Variants in SLC6A2 observed in about 807,000 individuals in gnomAD.
The protein encoded by SLC6A2 is sodium-dependent noradrenaline transporter.
A neutral mutation model predicts 71.7 loss-of-function variants in SLC6A2; 26 were observed. That is an observed-to-expected ratio of 0.36 (90% CI 0.27 to 0.50). The LOEUF is 0.50. SLC6A2 is among the 20% of genes least tolerant of loss of function. The pLI, the probability that SLC6A2 is intolerant of heterozygous loss-of-function variation, is 0.96. For missense variants in SLC6A2, 581 were observed against 803.9 expected (o/e 0.72, Z 3.35); for synonymous variants, 363 against 337.9 (o/e 1.07, Z -0.82).
chr16:55,691,574 C>T (rs1965631014), intron 5 of SLC6A2, among the ~76,000 whole-genome samples: 1 of 152,132 alleles, frequency 6.6e-6, no homozygotes, highest in Admixed American at 6.5e-5. Context: ...AGGAGTCTTT[C>T]CTTGAAGGAG....
intron 9 of SLC6A2, 126 bp downstream of exon 9, chr16:55,696,463 C>T: frequency 1.4e-6 from 1 of 723,892 alleles, no homozygotes; most frequent in South Asian, 1.5e-5. Flanking sequence ...TTCCAGAAGG[C>T]CCTATTTAAA....
At chr16:55,666,883 C>T (rs530699413) in intron 2 of SLC6A2, among the ~76,000 whole-genome samples, 2 of 152,342 alleles carry the variant, frequency 1.3e-5, no homozygotes, top group East Asian at 1.9e-4. Context: ...GTGGCGAGGT[C>T]GGAGCAGCGA....
chr16:55,686,369 C>G (rs544750137), intron 5 of SLC6A2, among the ~76,000 whole-genome samples: 9 of 152,264 alleles, frequency 5.9e-5, no homozygotes, highest in African/African-American at 2.2e-4. Context: ...GTTCCAAGAA[C>G]ATGTCCCAAG....
chr16:55,692,186 T>A, intron 6 of SLC6A2, 134 bp downstream of exon 6: 1 of 1,054,046 alleles, frequency 9.5e-7, no homozygotes, highest in Non-Finnish European at 1.5e-6. Context: ...CTTCCCTGTC[T>A]GAGGTGCAGC....
At chr16:55,671,546 T>C (rs1209016519) in intron 3 of SLC6A2, 2 of 418,680 alleles carry the variant, frequency 4.8e-6, no homozygotes, top group Non-Finnish European at 8.5e-6. Flanking sequence ...AAGCTTCATC[T>C]GTATTTACAG....
At chr16:55,683,972 AGAGCCATC>A (rs1965364279) in intron 4 of SLC6A2, among the ~76,000 whole-genome samples, 1 of 152,148 alleles carries the variant, frequency 6.6e-6, no homozygotes, top group Admixed American at 6.5e-5. Context: ...AGTGTGTGCT[AGAGCCATC>A]CCTCTGGAGG....
intron 5 of SLC6A2, among the ~76,000 whole-genome samples, chr16:55,691,420 C>T (rs550332099): frequency 7.9e-5 from 12 of 152,294 alleles, no homozygotes; most frequent in South Asian, 2.1e-4. Flanking sequence ...TCATGAACCA[C>T]GCCTTGATCT....
intron 7 of SLC6A2, 85 bp downstream of exon 7, chr16:55,694,198 G>T: frequency 9.9e-7 from 1 of 1,012,502 alleles, no homozygotes; most frequent in Non-Finnish European, 1.6e-6. Flanking sequence ...TGGTCTGGAA[G>T]CCAACTCTCC....
chr16:55,701,117 T>C (rs1965960116), intron 13 of SLC6A2, among the ~76,000 whole-genome samples: 1 of 152,208 alleles, frequency 6.6e-6, no homozygotes, highest in South Asian at 2.1e-4. Context: ...CAAAAATTCC[T>C]GCCCTTATGG....
chr16:55,666,302 G>T (rs1305203861), intron 2 of SLC6A2, among the ~76,000 whole-genome samples: 1 of 152,172 alleles, frequency 6.6e-6, no homozygotes, highest in African/African-American at 2.4e-5. Flanking sequence ...CTTTTTAGGG[G>T]GTTTGCAACC....
intron 12 of SLC6A2, 101 bp from the exon 13 acceptor site, chr16:55,700,038 C>G: frequency 1.0e-6 from 1 of 982,596 alleles, no homozygotes; most frequent in South Asian, 1.3e-5. Flanking sequence ...GCTCACTTCT[C>G]TTCATTTCTC....
intron 4 of SLC6A2, 134 bp from the exon 5 acceptor site, chr16:55,685,009 G>T: frequency 1.2e-6 from 1 of 843,284 alleles, no homozygotes. Context: ...AGTGGCTAGG[G>T]TCCCTGAGTT....
At chr16:55,694,185 CTCTGG>C in intron 7 of SLC6A2, 72 bp downstream of exon 7, 1 of 1,105,658 alleles carries the variant, frequency 9.0e-7, no homozygotes, top group Non-Finnish European at 1.4e-6. Flanking sequence ...GCAGAGAGGG[CTCTGG>C]TCTGGAAGCC....
At chr16:55,686,038 G>A (rs1364977405) in intron 5 of SLC6A2, among the ~76,000 whole-genome samples, 1 of 152,148 alleles carries the variant, frequency 6.6e-6, no homozygotes, top group East Asian at 1.9e-4. Flanking sequence ...GATATGGATG[G>A]GAAATTTTCT....
intron 4 of SLC6A2, among the ~76,000 whole-genome samples, chr16:55,677,710 C>T (rs1441244996): frequency 6.6e-6 from 1 of 151,546 alleles, no homozygotes; most frequent in African/African-American, 2.4e-5. Context: ...CTTGCTCTGT[C>T]ACCCAGTGGC....
intron 2 of SLC6A2, among the ~76,000 whole-genome samples, chr16:55,664,568 A>T (rs1482309084): frequency 2.0e-5 from 3 of 152,204 alleles, no homozygotes; most frequent in East Asian, 3.9e-4. Flanking sequence ...GCTGCTGCAC[A>T]TCTGCTCTTG....
intron 8 of SLC6A2, among the ~76,000 whole-genome samples, 181 bp downstream of exon 8, chr16:55,695,583 A>G (rs1464672523): frequency 4.6e-5 from 7 of 152,220 alleles, no homozygotes; most frequent in African/African-American, 1.4e-4. Flanking sequence ...AGGCAGTCAC[A>G]GTCCCCATGC....
At position 55,685,188 on chromosome 16, in the gene SLC6A2, C is replaced by T. The variant is rs781578719; in HGVS notation, c.690C>T (p.Ile230=). The T allele has an allele frequency of 8.1e-6, 13 of 1,613,948 alleles. No homozygotes were observed. Among genetic ancestry groups the T allele is most frequent in the East Asian group, 4.5e-5 (2 of 44,888 alleles). The stretch of plus-strand genomic sequence containing the variant: ...ACGAGAGCAGCGGGATTCATGACAT[C>T]GGCCTGCCCCAGTGGCAGCTCTTGC... ...HLHESSGIHD[I]GLPQWQLLLC... The change falls in exon 5 of 15, where the codon ATC becomes ATT. Residue 230 remains isoleucine (I), a synonymous_variant. Coordinates refer to ENST00000568943, the MANE Select transcript of SLC6A2 (RefSeq NM_001172501.3).
intron 6 of SLC6A2, among the ~76,000 whole-genome samples, 197 bp from the exon 7 acceptor site, chr16:55,693,813 A>G (rs1965712445): frequency 6.6e-6 from 1 of 152,194 alleles, no homozygotes. Context: ...GGGAGATGCT[A>G]GAGAGGCCCA....
Sources: gnomAD v4.1 joint callset for allele counts (sites outside exome capture counted in the v4.1 genomes callset) on GRCh38, gnomAD v4.1.1 for gene constraint, MANE v1.5 for transcripts, NCBI Gene and HGNC (gene_info 2026-07-23, HGNC 2026-07-21) for gene names.